FHIT: variants seen among roughly 807,000 people sequenced by gnomAD.
FHIT encodes bis(5'-adenosyl)-triphosphatase.
FHIT carries 19 observed loss-of-function variants against 17.9 expected under a neutral mutation model. The ratio of observed to expected loss-of-function variants is 1.06; its 90% CI spans 0.74 to 1.56. The LOEUF is 1.56. Among genes scored for constraint, FHIT ranks in the 40% most tolerant of loss-of-function variants. FHIT has a pLI of 0.00. For missense variants in FHIT, 248 were observed against 189.2 expected (o/e 1.31, Z -1.82); for synonymous variants, 81 against 69.7 (o/e 1.16, Z -0.81).
intron 8 of FHIT, among the ~76,000 whole-genome samples, chr3:59,921,494 G>A (rs1157951534): frequency 6.6e-6 from 1 of 152,230 alleles, no homozygotes; most frequent in Non-Finnish European, 1.5e-5. Context: ...CAATGCCCTT[G>A]GCAGGCGTTG....
At chr3:60,792,909 G>A (rs1553728985) in intron 4 of FHIT, among the ~76,000 whole-genome samples, 1 of 150,752 alleles carries the variant, frequency 6.6e-6, no homozygotes, top group Non-Finnish European at 1.5e-5. Flanking sequence ...AAGAACTTGT[G>A]TAATACATTA....
intron 4 of FHIT, among the ~76,000 whole-genome samples, chr3:60,754,590 C>A (rs2042536110): frequency 6.6e-6 from 1 of 151,876 alleles, no homozygotes; most frequent in African/African-American, 2.4e-5. Context: ...AAGATCGCGC[C>A]ACTGCACTCC....
At chr3:60,642,050 G>T (rs981269790) in intron 4 of FHIT, among the ~76,000 whole-genome samples, 1 of 152,064 alleles carries the variant, frequency 6.6e-6, no homozygotes, top group African/African-American at 2.4e-5. Context: ...AAGGGACACA[G>T]ACCCTGAAAA....
chr3:60,318,850 G>A (rs1310929549), intron 5 of FHIT, among the ~76,000 whole-genome samples: 1 of 152,180 alleles, frequency 6.6e-6, no homozygotes, highest in African/African-American at 2.4e-5. Flanking sequence ...CAAGTTGTTG[G>A]CAGGCTGATT....
chr3:60,165,630 A>G (rs1351275293), intron 5 of FHIT, among the ~76,000 whole-genome samples: 1 of 152,158 alleles, frequency 6.6e-6, no homozygotes, highest in East Asian at 1.9e-4. Context: ...GTCAAATGAG[A>G]TTATAAAGAT....
At position 61,205,274 on chromosome 3, in the gene FHIT, A is replaced by G. The variant is rs559795391; in HGVS notation, c.-212-4609T>C. On this transcript the variant is annotated intron_variant, in intron 1 of 9. Transcript: ENST00000492590. Reference sequence around the variant, plus strand: ...CTTTGCTATTGTGAATAGTGCCACAATAAACATACGTGTGCATGTGTCTTT... The same window carrying G: ...CTTTGCTATTGTGAATAGTGCCACAGTAAACATACGTGTGCATGTGTCTTT... Among the ~76,000 whole-genome samples the G allele has an allele frequency of 5.9e-5, 9 of 152,246 alleles. No homozygotes were observed. In the South Asian group the frequency reaches 1.9e-3, roughly 32 times the overall value.
chr3:61,096,900 CAGG>C (rs1322002522), intron 2 of FHIT, among the ~76,000 whole-genome samples: 2 of 152,092 alleles, frequency 1.3e-5, no homozygotes, highest in Non-Finnish European at 2.9e-5. Context: ...CACCTGAGGT[CAGG>C]AGTTCAAGAC....
At chr3:60,803,969 C>G (rs1345469693) in intron 4 of FHIT, among the ~76,000 whole-genome samples, 1 of 152,282 alleles carries the variant, frequency 6.6e-6, no homozygotes, top group Middle Eastern at 3.4e-3. Flanking sequence ...AGGTCTGGCA[C>G]CCCAGGGGCT....
At chr3:61,007,021 C>T (rs2031495549) in intron 3 of FHIT, among the ~76,000 whole-genome samples, 2 of 152,010 alleles carry the variant, frequency 1.3e-5, no homozygotes, top group South Asian at 4.1e-4. Context: ...TTAATTGTTG[C>T]CTCTTTCATC....
intron 5 of FHIT, among the ~76,000 whole-genome samples, chr3:60,440,488 C>A (rs934300774): frequency 1.3e-5 from 2 of 152,062 alleles, no homozygotes; most frequent in Non-Finnish European, 2.9e-5. Flanking sequence ...ATAATATGTA[C>A]CAGGTCCTAC....
chr3:60,267,309 G>T (rs1247912262), intron 5 of FHIT, among the ~76,000 whole-genome samples: 2 of 150,032 alleles, frequency 1.3e-5, no homozygotes, highest in African/African-American at 4.9e-5. Context: ...GCTACATGAG[G>T]TCACATATAC....
intron 8 of FHIT, among the ~76,000 whole-genome samples, chr3:59,762,029 T>C (rs1289276632): frequency 6.6e-6 from 1 of 152,146 alleles, no homozygotes; most frequent in Non-Finnish European, 1.5e-5. Flanking sequence ...TTGGGGCTGT[T>C]ATTAAGGAAA....
chr3:60,102,623 A>T (rs986412500), intron 5 of FHIT, among the ~76,000 whole-genome samples: 2 of 131,370 alleles, frequency 1.5e-5, no homozygotes, highest in African/African-American at 6.0e-5. Flanking sequence ...AAATAAGAAT[A>T]AAAAAAAAAA....
intron 8 of FHIT, among the ~76,000 whole-genome samples, chr3:59,872,365 G>A (rs538431750): frequency 8.5e-5 from 13 of 152,296 alleles, no homozygotes; most frequent in African/African-American, 2.6e-4. Flanking sequence ...GGCTGATGTG[G>A]GGACTGGCTT....
chr3:61,030,445 A>G (rs1583702), intron 3 of FHIT, among the ~76,000 whole-genome samples: 19,646 of 152,274 alleles, frequency 0.13, 1,394 homozygotes, highest in Non-Finnish European at 0.14. Flanking sequence ...AAAATTAAAT[A>G]AAATTAAAAT....
Position 59,922,433 on chromosome 3 carries a change from GA to G in FHIT, c.280-20del, listed in dbSNP as rs768305432. On this transcript the variant is annotated intron_variant, in intron 7 of 9. Coordinates refer to ENST00000492590, the MANE Select transcript of FHIT (RefSeq NM_002012.4). ...GAACGTGCTGAAAATGTACAAGAAA[GA>G]AAAAAAATGTGATTATCTCCCCATG... 25 of 1,593,720 alleles carry G rather than the reference GA, an allele frequency of 1.6e-5. No individual in the cohort carries two copies. Among genetic ancestry groups the G allele is most frequent in the East Asian group, 6.7e-5 (3 of 44,610 alleles).
chr3:60,921,601 A>T (rs1218576905), intron 3 of FHIT, among the ~76,000 whole-genome samples: 1 of 152,236 alleles, frequency 6.6e-6, no homozygotes, highest in African/African-American at 2.4e-5. Flanking sequence ...AAATCCTTTG[A>T]ATATGAAATG....
intron 7 of FHIT, among the ~76,000 whole-genome samples, chr3:60,006,427 T>C (rs948916788): frequency 3.3e-5 from 5 of 152,082 alleles, no homozygotes; most frequent in African/African-American, 1.2e-4. Flanking sequence ...CTAGCCACAA[T>C]CTATTTTATA....
chr3:60,250,578 T>G (rs1705651524), intron 5 of FHIT, among the ~76,000 whole-genome samples: 3 of 152,166 alleles, frequency 2.0e-5, no homozygotes, highest in African/African-American at 7.2e-5. Flanking sequence ...AATTACAATT[T>G]AGAATTTCCA....
Sources: allele counts gnomAD v4.1 joint callset (sites outside exome capture counted in the v4.1 genomes callset), GRCh38; gene constraint gnomAD v4.1.1; transcripts MANE v1.5; gene names NCBI Gene and HGNC (gene_info 2026-07-23, HGNC 2026-07-21).